The following ZNHIT6 variants were observed in gnomAD, a reference collection of about 807,000 sequenced individuals.
ZNHIT6 encodes the protein box C/D snoRNA protein 1.
In ZNHIT6, 45 loss-of-function variants were observed where a neutral mutation model predicts 57.2. The observed-to-expected ratio is 0.79, with a 90% CI of 0.62 to 1.01. ZNHIT6 has a LOEUF of 1.01. Ranked by LOEUF, ZNHIT6 falls within the 50% of genes least tolerant of loss-of-function variation. The probability of loss-of-function intolerance (pLI) is 0.00; values close to 1 mark genes in which losing one functional copy is unlikely to be tolerated. For missense variants in ZNHIT6, 528 were observed against 567.3 expected, an observed-to-expected ratio of 0.93 and a Z score of 0.70; for synonymous variants, 188 against 190.0, an observed-to-expected ratio of 0.99 and a Z score of 0.09.
intron 7 of ZNHIT6, among the ~76,000 whole-genome samples, chr1:85,678,304 G>A (rs538130647): frequency 1.3e-3 from 193 of 152,204 alleles, no homozygotes; most frequent in African/African-American, 4.5e-3. Flanking sequence ...AACCTCAAAG[G>A]TAGTTTAGTT....
chr1:85,663,082 C>T (rs941366120), intron 8 of ZNHIT6, among the ~76,000 whole-genome samples: 1 of 152,110 alleles, frequency 6.6e-6, no homozygotes, highest in African/African-American at 2.4e-5. Flanking sequence ...CACAAGGAGA[C>T]TCAGTTTTGC....
At chr1:85,700,776 G>T (rs1305439522) in intron 5 of ZNHIT6, among the ~76,000 whole-genome samples, 2 of 152,126 alleles carry the variant, frequency 1.3e-5, no homozygotes, top group Non-Finnish European at 2.9e-5. Context: ...ACGCACAAAA[G>T]AATCATCTCA....
intron 8 of ZNHIT6, among the ~76,000 whole-genome samples, chr1:85,659,253 CA>C (rs1661160666): frequency 6.6e-6 from 1 of 152,142 alleles, no homozygotes; most frequent in Non-Finnish European, 1.5e-5. Context: ...AATGCATCCC[CA>C]GAACATTCAT....
chr1:85,698,672 C>T (rs1662448536), intron 5 of ZNHIT6, among the ~76,000 whole-genome samples: 1 of 152,068 alleles, frequency 6.6e-6, no homozygotes, highest in Admixed American at 6.5e-5. Flanking sequence ...TAGGACAAGA[C>T]CAACTTCTCA....
intron 5 of ZNHIT6, among the ~76,000 whole-genome samples, chr1:85,686,535 CT>C (rs147751004): frequency 0.064 from 9,503 of 148,700 alleles, 389 homozygotes; most frequent in African/African-American, 0.12. Context: ...TATTTCTGTT[CT>C]TTTTTTTTTA....
At chr1:85,670,887 A>T (rs1158287410) in intron 8 of ZNHIT6, among the ~76,000 whole-genome samples, 1 of 152,178 alleles carries the variant, frequency 6.6e-6, no homozygotes, top group African/African-American at 2.4e-5. Context: ...TTACTAGAAC[A>T]ACAGTGCCAG....
rs150131467 is a variant in ZNHIT6 at position 85,668,141 on chromosome 1, G to A, written c.1247+9095C>T. Among the ~76,000 whole-genome samples the A allele has an allele frequency of 1.3e-3, 195 of 150,400 alleles. 1 individual carries two copies. The highest frequency in any genetic ancestry group is 4.5e-3 in the African/African-American group (183 of 40,940). ...TAATTTCATTACCTATGACCTTTAC[G>A]TTTTAAATAATAAAATTTCTTCTGA... On this transcript the variant is annotated intron_variant, in intron 8 of 9. Coordinates refer to ENST00000370574, the MANE Select transcript of ZNHIT6 (RefSeq NM_017953.4).
intron 5 of ZNHIT6, among the ~76,000 whole-genome samples, chr1:85,687,075 G>A (rs1417496515): frequency 3.3e-5 from 5 of 151,270 alleles, no homozygotes; most frequent in Non-Finnish European, 7.4e-5. Flanking sequence ...TTCGAGACAA[G>A]CCTGGACAAC....
chr1:85,654,809 G>C (rs756123752), intron 9 of ZNHIT6, among the ~76,000 whole-genome samples: 5 of 152,136 alleles, frequency 3.3e-5, no homozygotes, highest in African/African-American at 4.8e-5. Context: ...GGAAATAATA[G>C]GTAGTAACTC....
chr1:85,707,482 A>T, intron 1 of ZNHIT6, 147 bp downstream of exon 1: 1 of 775,794 alleles, frequency 1.3e-6, no homozygotes, highest in Non-Finnish European at 2.0e-6. Flanking sequence ...TTCCCAACCC[A>T]CCCCCGCGAA....
intron 9 of ZNHIT6, 69 bp downstream of exon 9, chr1:85,657,778 G>A: frequency 7.0e-7 from 1 of 1,428,162 alleles, no homozygotes. Flanking sequence ...AAAGAAATAA[G>A]GGTGGACATA....
chr1:85,672,015 G>C (rs1477774282), intron 8 of ZNHIT6, among the ~76,000 whole-genome samples: 1 of 152,070 alleles, frequency 6.6e-6, no homozygotes, highest in Non-Finnish European at 1.5e-5. Context: ...ATACTACACA[G>C]ATTATGTATT....
chr1:85,681,885 TTTTAAATAAA>T (rs374119370), intron 5 of ZNHIT6, among the ~76,000 whole-genome samples: 19 of 152,230 alleles, frequency 1.2e-4, no homozygotes, highest in African/African-American at 4.6e-4. Flanking sequence ...CAGTTACTAG[TTTTAAATAAA>T]TAATTCTTCC....
chr1:85,705,171 C>T (rs1662648343), intron 4 of ZNHIT6, among the ~76,000 whole-genome samples: 1 of 152,152 alleles, frequency 6.6e-6, no homozygotes, highest in East Asian at 1.9e-4. Flanking sequence ...AAAACCCTTC[C>T]ATGGTTTCCA....
intron 6 of ZNHIT6, among the ~76,000 whole-genome samples, chr1:85,679,230 TTAAG>T (rs1476661559): frequency 1.3e-5 from 2 of 152,230 alleles, no homozygotes; most frequent in African/African-American, 4.8e-5. Context: ...ACAAAACATT[TTAAG>T]TTTTCCAACT....
chr1:85,671,244 G>C (rs576823223), intron 8 of ZNHIT6, among the ~76,000 whole-genome samples: 1 of 152,248 alleles, frequency 6.6e-6, no homozygotes, highest in East Asian at 1.9e-4. Flanking sequence ...GTGTTTAGTG[G>C]TGAGTGGCCT....
At chr1:85,656,783 A>G (rs1303150528) in intron 9 of ZNHIT6, among the ~76,000 whole-genome samples, 2 of 152,158 alleles carry the variant, frequency 1.3e-5, no homozygotes, top group African/African-American at 4.8e-5. Flanking sequence ...TCTGGTTTCA[A>G]GTTGTAGCAC....
chr1:85,660,583 G>A (rs1260006027), intron 8 of ZNHIT6, among the ~76,000 whole-genome samples: 1 of 151,906 alleles, frequency 6.6e-6, no homozygotes, highest in Non-Finnish European at 1.5e-5. Flanking sequence ...AATGTTCAGA[G>A]GTACATAAAA....
At chr1:85,695,683 G>C (rs1662347428) in intron 5 of ZNHIT6, among the ~76,000 whole-genome samples, 1 of 152,194 alleles carries the variant, frequency 6.6e-6, no homozygotes, top group South Asian at 2.1e-4. Flanking sequence ...CTATTTCTTA[G>C]CATGTCCTTA....
Sources: gnomAD v4.1 joint callset for allele counts (sites outside exome capture counted in the v4.1 genomes callset) on GRCh38, gnomAD v4.1.1 for gene constraint, MANE v1.5 for transcripts, NCBI Gene and HGNC (gene_info 2026-07-23, HGNC 2026-07-21) for gene names.